Variants in GABRB1 observed in about 807,000 individuals in gnomAD.
The protein encoded by GABRB1 is gamma-aminobutyric acid type A receptor subunit beta1, also known as gamma-aminobutyric acid receptor subunit beta-1.
A neutral mutation model predicts 51.6 loss-of-function variants in GABRB1; 17 were observed. That is an observed-to-expected ratio of 0.33 (90% CI 0.23 to 0.49). GABRB1 has a LOEUF of 0.49. Ranked by LOEUF, GABRB1 falls within the 20% of genes least tolerant of loss-of-function variation. GABRB1 has a pLI of 0.99. For missense variants in GABRB1, 410 were observed against 600.6 expected, an observed-to-expected ratio of 0.68 and a Z score of 3.32; for synonymous variants, 247 against 218.9, an observed-to-expected ratio of 1.13 and a Z score of -1.14.
At chr4:47,340,846 G>A (rs184743311) in intron 5 of GABRB1, among the ~76,000 whole-genome samples, 2 of 152,144 alleles carry the variant, frequency 1.3e-5, no homozygotes, top group Non-Finnish European at 2.9e-5. Flanking sequence ...CTGTGGTAGC[G>A]ATGCCAAGTT....
chr4:47,372,638 C>A, intron 5 of GABRB1, among the ~76,000 whole-genome samples: 1 of 152,302 alleles, frequency 6.6e-6, no homozygotes, highest in East Asian at 1.9e-4. Context: ...GGCTCTGTCA[C>A]CCTGCTTTTC....
intron 4 of GABRB1, among the ~76,000 whole-genome samples, chr4:47,202,318 C>T (rs1311856719): frequency 5.9e-5 from 9 of 152,098 alleles, no homozygotes; most frequent in Admixed American, 5.2e-4. Context: ...TTGTAAGTTT[C>T]CTGAGGCCTC....
rs964873431 is a variant in GABRB1 at position 47,393,076 on chromosome 4, A to G, written c.545-10242A>G. On this transcript the variant is annotated intron_variant, in intron 5 of 8. Coordinates refer to ENST00000295454, the MANE Select transcript of GABRB1 (RefSeq NM_000812.4). Reference sequence around the variant, plus strand: ...TGAAGCATCCGTTTTGCTGGTGCAGATCATAACTCATGGATGGCTCTGGAA... The same window carrying G: ...TGAAGCATCCGTTTTGCTGGTGCAGGTCATAACTCATGGATGGCTCTGGAA... 3.9e-5 allele frequency among the ~76,000 whole-genome samples: 6 copies of G among 152,196 alleles called. No homozygotes were observed. In the South Asian group the frequency reaches 6.2e-4, roughly 16 times the overall value.
intron 4 of GABRB1, among the ~76,000 whole-genome samples, chr4:47,270,066 T>C (rs1294395445): frequency 6.6e-6 from 1 of 152,096 alleles, no homozygotes; most frequent in Non-Finnish European, 1.5e-5. Flanking sequence ...TGCAATGCAG[T>C]TGTTAGTTGT....
chr4:47,032,027 A>AC (rs769433153), intron 2 of GABRB1, 22 bp downstream of exon 2: 2 of 1,559,866 alleles, frequency 1.3e-6, no homozygotes. Flanking sequence ...TCTTTTTTCA[A>AC]CCTGTAACCC....
At chr4:47,026,998 T>C (rs1725114684), upstream of GABRB1, among the ~76,000 whole-genome samples, 1 of 151,876 alleles carries the variant, frequency 6.6e-6, no homozygotes, top group East Asian at 1.9e-4. Context: ...GAACTAATTA[T>C]ATATCCCTAC....
intron 5 of GABRB1, among the ~76,000 whole-genome samples, chr4:47,393,456 A>C (rs1034115781): frequency 2.4e-4 from 36 of 151,916 alleles, no homozygotes; most frequent in African/African-American, 8.5e-4. Flanking sequence ...TGGCCATAGG[A>C]GTCTACCTAC....
At chr4:47,107,001 G>T (rs1285482723) in intron 3 of GABRB1, among the ~76,000 whole-genome samples, 1 of 152,000 alleles carries the variant, frequency 6.6e-6, no homozygotes, top group Non-Finnish European at 1.5e-5. Flanking sequence ...TCTTCCAGCT[G>T]GAGTATTATT....
chr4:47,324,107 G>C (rs1294483219), intron 5 of GABRB1, among the ~76,000 whole-genome samples: 1 of 152,082 alleles, frequency 6.6e-6, no homozygotes, highest in Non-Finnish European at 1.5e-5. Context: ...ATTTACAGTA[G>C]ATGTTGTCAC....
chr4:47,148,638 T>C (rs1179852141), intron 3 of GABRB1, among the ~76,000 whole-genome samples: 1 of 151,894 alleles, frequency 6.6e-6, no homozygotes, highest in African/African-American at 2.4e-5. Flanking sequence ...CCACTCCCCA[T>C]ATTCCTTAAG....
chr4:47,364,586 TA>T (rs1410870378), intron 5 of GABRB1, among the ~76,000 whole-genome samples: 2 of 138,428 alleles, frequency 1.4e-5, no homozygotes, highest in Non-Finnish European at 1.6e-5. Flanking sequence ...ACTTAAAGAA[TA>T]AAAAAAAGAA....
chr4:47,004,686 AAAAC>A (rs201530289), intron 1 of GABRB1, among the ~76,000 whole-genome samples: 6 of 152,164 alleles, frequency 3.9e-5, no homozygotes, highest in African/African-American at 1.2e-4. Flanking sequence ...CTTGATTTAA[AAAAC>A]AAACAGACAA....
At chr4:47,021,535 T>C (rs1724928468) in intron 1 of GABRB1, among the ~76,000 whole-genome samples, 1 of 152,136 alleles carries the variant, frequency 6.6e-6, no homozygotes, top group South Asian at 2.1e-4. Flanking sequence ...TCGGATCCTC[T>C]GCAGGTATGT....
chr4:47,308,913 GA>G (rs1724567839), intron 4 of GABRB1, among the ~76,000 whole-genome samples: 1 of 152,098 alleles, frequency 6.6e-6, no homozygotes, highest in Admixed American at 6.5e-5. Flanking sequence ...AAAAGACCAA[GA>G]AACTATTGCT....
intron 4 of GABRB1, among the ~76,000 whole-genome samples, chr4:47,252,478 C>T (rs951013763): frequency 1.4e-5 from 2 of 147,910 alleles, no homozygotes; most frequent in East Asian, 2.0e-4. Flanking sequence ...TCACAATTGA[C>T]TATCTAAGAA....
upstream of GABRB1, among the ~76,000 whole-genome samples, chr4:47,030,308 C>T (rs1025757557): frequency 3.3e-5 from 5 of 152,072 alleles, no homozygotes; most frequent in Admixed American, 6.6e-5. Context: ...TTTTCTATTA[C>T]GTTTTTTTGT....
At chr4:47,060,045 T>C (rs1726781858) in intron 3 of GABRB1, among the ~76,000 whole-genome samples, 1 of 152,214 alleles carries the variant, frequency 6.6e-6, no homozygotes, top group East Asian at 1.9e-4. Context: ...TTCTATTATT[T>C]TATGGTGTCA....
chr4:47,237,545 T>A (rs979658851), intron 4 of GABRB1, among the ~76,000 whole-genome samples: 1 of 152,068 alleles, frequency 6.6e-6, no homozygotes, highest in Admixed American at 6.6e-5. Context: ...ATTGTGAAGA[T>A]TTAATATAAT....
intron 4 of GABRB1, among the ~76,000 whole-genome samples, chr4:47,303,877 C>T (rs1319634064): frequency 6.6e-6 from 1 of 151,988 alleles, no homozygotes; most frequent in Non-Finnish European, 1.5e-5. Context: ...ATGACTTTAA[C>T]TTGTTAGATT....
Sources: gnomAD v4.1 joint callset for allele counts (sites outside exome capture counted in the v4.1 genomes callset) on GRCh38, gnomAD v4.1.1 for gene constraint, MANE v1.5 for transcripts, NCBI Gene and HGNC (gene_info 2026-07-23, HGNC 2026-07-21) for gene names.